CDK17: variants seen among roughly 807,000 people sequenced by gnomAD.
CDK17 encodes cyclin dependent kinase 17.
In CDK17, 24 loss-of-function variants were observed where a neutral mutation model predicts 77.6. That is an observed-to-expected ratio of 0.31 (90% CI 0.22 to 0.44). CDK17 has a LOEUF of 0.44. CDK17 is among the 20% of genes least tolerant of loss of function. CDK17 has a pLI of 1.00. For synonymous variants in CDK17, 203 were observed against 210.4 expected (o/e 0.96, Z 0.30); for missense variants, 429 against 622.5 (o/e 0.69, Z 3.31).
At chr12:96,385,243 CGG>C (rs1565846339) in intron 1 of CDK17, among the ~76,000 whole-genome samples, 4 of 111,242 alleles carry the variant, frequency 3.6e-5, no homozygotes, top group Non-Finnish European at 5.4e-5. Flanking sequence ...ACCCGGGAGG[CGG>C]AGAGGTTGCA....
chr12:96,347,639 A>C (rs1349501485), intron 1 of CDK17, among the ~76,000 whole-genome samples: 1 of 13,380 alleles, frequency 7.5e-5, no homozygotes. Flanking sequence ...AGGGGAGGGG[A>C]GGGGAGGGGA....
intron 2 of CDK17, among the ~76,000 whole-genome samples, chr12:96,333,229 C>A (rs1390939166): frequency 2.6e-5 from 4 of 152,056 alleles, no homozygotes; most frequent in African/African-American, 9.7e-5. Flanking sequence ...AATAGGTCCT[C>A]TGGCAAGAGG....
chr12:96,323,773 T>C (rs948798824), intron 3 of CDK17, among the ~76,000 whole-genome samples, 175 bp downstream of exon 3: 2 of 152,222 alleles, frequency 1.3e-5, no homozygotes, highest in African/African-American at 2.4e-5. Context: ...CTTCCCTGTA[T>C]TGTCAGCACT....
intron 11 of CDK17, among the ~76,000 whole-genome samples, chr12:96,287,226 TCAAGA>T (rs1332814865): frequency 6.6e-6 from 1 of 152,066 alleles, no homozygotes; most frequent in Non-Finnish European, 1.5e-5. Flanking sequence ...AACAAATGAT[TCAAGA>T]CGTTTTGATG....
intron 1 of CDK17, among the ~76,000 whole-genome samples, chr12:96,390,215 G>A (rs761133375): frequency 1.7e-4 from 26 of 149,708 alleles, no homozygotes; most frequent in Non-Finnish European, 2.1e-4. Context: ...GCAGTGTGGC[G>A]ATGTCAGCTT....
At chr12:96,362,749 T>C (rs1398797477) in intron 1 of CDK17, among the ~76,000 whole-genome samples, 1 of 152,188 alleles carries the variant, frequency 6.6e-6, no homozygotes, top group Non-Finnish European at 1.5e-5. Context: ...ATACAATTTT[T>C]TTATTTTGGA....
intron 1 of CDK17, among the ~76,000 whole-genome samples, chr12:96,366,804 C>G (rs1245848217): frequency 1.3e-5 from 2 of 152,190 alleles, no homozygotes; most frequent in African/African-American, 2.4e-5. Flanking sequence ...ACATATGTGA[C>G]TTCTCCTAAA....
chr12:96,357,110 G>A (rs989011687), intron 1 of CDK17, among the ~76,000 whole-genome samples: 1 of 152,142 alleles, frequency 6.6e-6, no homozygotes, highest in Non-Finnish European at 1.5e-5. Context: ...AACCACTTGA[G>A]ATAGTGCCTC....
intron 11 of CDK17, among the ~76,000 whole-genome samples, chr12:96,287,548 C>A (rs1952262175): frequency 6.6e-6 from 1 of 152,012 alleles, no homozygotes; most frequent in African/African-American, 2.4e-5. Flanking sequence ...CAATTCTACT[C>A]CTAGGTATAT....
At chr12:96,385,014 A>G (rs1203321839) in intron 1 of CDK17, among the ~76,000 whole-genome samples, 57 of 142,864 alleles carry the variant, frequency 4.0e-4, no homozygotes, top group South Asian at 1.3e-3. Context: ...TCTCAAGGGA[A>G]AAAAAAAAAA....
At chr12:96,358,065 C>T (rs1953428061) in intron 1 of CDK17, among the ~76,000 whole-genome samples, 1 of 151,758 alleles carries the variant, frequency 6.6e-6, no homozygotes, top group South Asian at 2.1e-4. Flanking sequence ...AAAAAGAAGT[C>T]CCAGAAGACT....
At chr12:96,290,051 CATA>C (rs1952303439) in intron 10 of CDK17, among the ~76,000 whole-genome samples, 2 of 152,124 alleles carry the variant, frequency 1.3e-5, no homozygotes, top group South Asian at 4.1e-4. Flanking sequence ...AAAAAAATCT[CATA>C]ATGTTTTAAG....
chr12:96,377,995 G>A (rs149063558), intron 1 of CDK17, among the ~76,000 whole-genome samples: 1 of 152,132 alleles, frequency 6.6e-6, no homozygotes, highest in East Asian at 1.9e-4. Flanking sequence ...GCCCGGCCCA[G>A]AAGCAGTTTT....
At chr12:96,323,852 A>G in intron 3 of CDK17, 96 bp downstream of exon 3, 2 of 851,666 alleles carry the variant, frequency 2.3e-6, no homozygotes, top group South Asian at 5.7e-5. Context: ...TATCTGACAG[A>G]AGAAACGAGA....
At chr12:96,341,872 C>T (rs964952242) in intron 1 of CDK17, among the ~76,000 whole-genome samples, 12 of 152,136 alleles carry the variant, frequency 7.9e-5, no homozygotes, top group Non-Finnish European at 1.3e-4. Context: ...AGTCAAGCTA[C>T]TCTAATATAA....
chr12:96,308,365 C>T (rs982592532), intron 5 of CDK17, among the ~76,000 whole-genome samples: 1 of 151,652 alleles, frequency 6.6e-6, no homozygotes, highest in Admixed American at 6.6e-5. Flanking sequence ...GAGCTATGAT[C>T]GTGCTACTGC....
intron 1 of CDK17, among the ~76,000 whole-genome samples, chr12:96,366,067 T>A (rs543493045): frequency 4.6e-5 from 7 of 152,200 alleles, no homozygotes; most frequent in Admixed American, 3.3e-4. Context: ...ATTTTTCTAC[T>A]GCTGGTTACA....
intron 1 of CDK17, among the ~76,000 whole-genome samples, chr12:96,391,856 C>A (rs975712502): frequency 6.6e-6 from 1 of 152,166 alleles, no homozygotes; most frequent in Non-Finnish European, 1.5e-5. Context: ...ATTGCTCTCA[C>A]ACAAATACCA....
At chr12:96,318,485 A>G (rs1952764761) in intron 3 of CDK17, among the ~76,000 whole-genome samples, 2 of 133,288 alleles carry the variant, frequency 1.5e-5, no homozygotes, top group African/African-American at 2.8e-5. Flanking sequence ...CCCCAAATCA[A>G]CAGAATATAC....
Sources: allele counts gnomAD v4.1 joint callset (sites outside exome capture counted in the v4.1 genomes callset), GRCh38; gene constraint gnomAD v4.1.1; transcripts MANE v1.5; gene names NCBI Gene and HGNC (gene_info 2026-07-23, HGNC 2026-07-21).